Variants in ZFPM2 observed in about 807,000 individuals in gnomAD.
The protein encoded by ZFPM2 is zinc finger protein, FOG family member 2.
Under a neutral mutation model 98.6 loss-of-function variants are expected in ZFPM2, and 20 were observed. That is an observed-to-expected ratio of 0.20 (90% confidence interval 0.14 to 0.29). The LOEUF is 0.29. Ranked by LOEUF, ZFPM2 falls within the 10% of genes least tolerant of loss-of-function variation. The pLI, the probability that ZFPM2 is intolerant of heterozygous loss-of-function variation, is 1.00. For missense variants in ZFPM2, 1,310 were observed against 1,388.6 expected (o/e 0.94, Z 0.90); for synonymous variants, 518 against 502.7 (o/e 1.03, Z -0.41).
At chr8:105,430,493 C>T (rs535984149) in intron 2 of ZFPM2, among the ~76,000 whole-genome samples, 6 of 152,142 alleles carry the variant, frequency 3.9e-5, no homozygotes, top group African/African-American at 1.4e-4. Context: ...CTAAAGAGAC[C>T]ACAGATATTC....
chr8:105,572,927 C>G (rs2130724831), intron 4 of ZFPM2, among the ~76,000 whole-genome samples: 1 of 152,296 alleles, frequency 6.6e-6, no homozygotes, highest in South Asian at 2.1e-4. Context: ...GGAAACCAGA[C>G]TAAAGCATAG....
chr8:105,320,339 A>T (rs1397402859), intron 1 of ZFPM2, among the ~76,000 whole-genome samples: 1 of 146,728 alleles, frequency 6.8e-6, no homozygotes, highest in African/African-American at 2.5e-5. Flanking sequence ...TATTTCTTCG[A>T]TTCCTTCTCT....
intron 1 of ZFPM2, among the ~76,000 whole-genome samples, chr8:105,349,404 A>G (rs1431661509): frequency 6.6e-6 from 1 of 152,196 alleles, no homozygotes; most frequent in Non-Finnish European, 1.5e-5. Context: ...AGAAAGTGAC[A>G]ACAAAACCCA....
chr8:105,490,779 T>A (rs1315699843), intron 3 of ZFPM2, among the ~76,000 whole-genome samples: 1 of 151,978 alleles, frequency 6.6e-6, no homozygotes, highest in Non-Finnish European at 1.5e-5. Context: ...ATGAATGAAA[T>A]TAAAAATAAA....
At chr8:105,390,392 C>G (rs541339968) in intron 1 of ZFPM2, among the ~76,000 whole-genome samples, 2 of 152,140 alleles carry the variant, frequency 1.3e-5, no homozygotes, top group Non-Finnish European at 2.9e-5. Context: ...TGAAGACATA[C>G]GTAGGGCAAG....
chr8:105,787,463 C>T (rs1813450910), intron 5 of ZFPM2: 1 of 152,160 alleles, frequency 6.6e-6, no homozygotes, highest in Admixed American at 6.5e-5. Context: ...AAAACTTAAT[C>T]AGCTGGCTTA....
At chr8:105,349,165 A>AT (rs35028737) in intron 1 of ZFPM2, among the ~76,000 whole-genome samples, 66,051 of 151,970 alleles carry the variant, frequency 0.43, 16,836 homozygotes, top group Middle Eastern at 0.59. Context: ...TAGGTTCTGG[A>AT]TTTTTTTAAG....
intron 3 of ZFPM2, among the ~76,000 whole-genome samples, chr8:105,469,484 G>T (rs1334199515): frequency 6.6e-6 from 1 of 151,882 alleles, no homozygotes; most frequent in East Asian, 1.9e-4. Flanking sequence ...TTGCTCTCCA[G>T]CTGGTGTACT....
At chr8:105,406,934 A>G (rs1476670668) in intron 1 of ZFPM2, among the ~76,000 whole-genome samples, 1 of 151,912 alleles carries the variant, frequency 6.6e-6, no homozygotes, top group Non-Finnish European at 1.5e-5. Context: ...TACGTTTTTG[A>G]GGCTTGAGCC....
In ZFPM2 at chr8:105,478,150, G is replaced by A. The variant is rs368364769; in HGVS notation, c.301+33769G>A. 3.3e-5 allele frequency among the ~76,000 whole-genome samples: 5 copies of A among 152,218 alleles called. No individual in the cohort carries two copies. In the East Asian group the frequency reaches 5.8e-4, roughly 18 times the overall value. Reference sequence around the variant, plus strand: ...TTCCATCTTAAATGCGGCTGACCACGGGAATGGAAGCTCACACACTTGAGT... The same window carrying A: ...TTCCATCTTAAATGCGGCTGACCACAGGAATGGAAGCTCACACACTTGAGT... On this transcript the variant is annotated intron_variant, in intron 3 of 7. Transcript: ENST00000407775.
intron 4 of ZFPM2, among the ~76,000 whole-genome samples, chr8:105,619,508 T>C (rs1816488888): frequency 6.6e-6 from 1 of 152,088 alleles, no homozygotes; most frequent in Admixed American, 6.6e-5. Context: ...TTATTTAAAA[T>C]TATAAAATGA....
intron 5 of ZFPM2, among the ~76,000 whole-genome samples, chr8:105,668,816 A>G (rs1817533752): frequency 6.6e-6 from 1 of 152,204 alleles, no homozygotes; most frequent in Admixed American, 6.5e-5. Flanking sequence ...TAGTTTCTCA[A>G]TTAAATTTGG....
At position 105,728,504 on chromosome 8, in the gene ZFPM2, T is replaced by C. The variant is rs189555752; in HGVS notation, c.533-60214T>C. ...GATGTTAAAGCACAAGGTAGTTTTATGAAACTTCCAATAAGAAATGACACA... is the reference window on the plus strand; with the variant it reads ...GATGTTAAAGCACAAGGTAGTTTTACGAAACTTCCAATAAGAAATGACACA... On this transcript the variant is annotated intron_variant, in intron 5 of 7. Coordinates refer to ENST00000407775, the MANE Select transcript of ZFPM2 (RefSeq NM_012082.4). Among the ~76,000 whole-genome samples, 296 of 151,868 alleles carry C rather than the reference T, an allele frequency of 1.9e-3. 1 individual carries two copies. Among genetic ancestry groups the C allele is most frequent in the African/African-American group, 6.5e-3 (268 of 41,490 alleles).
intron 4 of ZFPM2, among the ~76,000 whole-genome samples, chr8:105,620,043 A>G (rs1052953461): frequency 6.6e-6 from 1 of 152,192 alleles, no homozygotes; most frequent in African/African-American, 2.4e-5. Context: ...TTGGGTATAT[A>G]TCCAGTAATG....
rs36124912 is a variant in ZFPM2, at chr8:105,377,607, C to CAAAAAAAAAAA, written c.41-41521_41-41511dup. Among the ~76,000 whole-genome samples, 34 of 63,876 alleles carry CAAAAAAAAAAA rather than the reference C, an allele frequency of 5.3e-4. 16 individuals are homozygous for CAAAAAAAAAAA. Among genetic ancestry groups the CAAAAAAAAAAA allele is most frequent in the African/African-American group, 1.3e-3 (21 of 16,590 alleles). 41.9% of individuals were successfully genotyped at this position (63,876 alleles called of 152,430 possible). On this transcript the variant is annotated intron_variant, in intron 1 of 7. Coordinates refer to ENST00000407775, the MANE Select transcript of ZFPM2 (RefSeq NM_012082.4). ...CAAAACCCCGTTTTTCTTAAAAATC[C>CAAAAAAAAAAA]AAAAAAAAAAAAAAAAAAAAAAAAA...
chr8:105,459,352 G>A (rs1388068331), intron 3 of ZFPM2, among the ~76,000 whole-genome samples: 1 of 152,102 alleles, frequency 6.6e-6, no homozygotes, highest in Admixed American at 6.6e-5. Flanking sequence ...GTCACTTTGT[G>A]ATAAATACTC....
At chr8:105,331,867 A>AT (rs1490846374) in intron 1 of ZFPM2, among the ~76,000 whole-genome samples, 2 of 151,714 alleles carry the variant, frequency 1.3e-5, no homozygotes, top group South Asian at 2.1e-4. Flanking sequence ...TGCCAAAATG[A>AT]TTTTTTTGAA....
chr8:105,697,904 G>C (rs1270687912), intron 5 of ZFPM2, among the ~76,000 whole-genome samples: 1 of 151,998 alleles, frequency 6.6e-6, no homozygotes. Flanking sequence ...AGTTGAAGAA[G>C]GTCTTATCAT....
chr8:105,428,971 C>G (rs1449101826), intron 2 of ZFPM2, among the ~76,000 whole-genome samples: 3 of 152,060 alleles, frequency 2.0e-5, no homozygotes, highest in African/African-American at 7.2e-5. Flanking sequence ...CTTACCAAGT[C>G]TTAGCACATA....
Sources: gnomAD v4.1 joint callset for allele counts (sites outside exome capture counted in the v4.1 genomes callset) on GRCh38, gnomAD v4.1.1 for gene constraint, MANE v1.5 for transcripts, NCBI Gene and HGNC (gene_info 2026-07-23, HGNC 2026-07-21) for gene names.